PRKCB: variants seen among roughly 807,000 people sequenced by gnomAD.
PRKCB encodes protein kinase C beta type.
In PRKCB, 13 loss-of-function variants were observed where a neutral mutation model predicts 81.5. The observed-to-expected ratio is 0.16, with a 90% confidence interval of 0.10 to 0.25. The LOEUF (loss-of-function observed/expected upper bound fraction) is 0.25. Among genes scored for constraint, PRKCB ranks in the 10% least tolerant of loss-of-function variants. The pLI, the probability that PRKCB is intolerant of heterozygous loss-of-function variation, is 1.00. For synonymous variants in PRKCB, 335 were observed against 321.4 expected, an observed-to-expected ratio of 1.04 and a Z score of -0.45; for missense variants, 509 against 875.7, an observed-to-expected ratio of 0.58 and a Z score of 5.29.
intron 2 of PRKCB, among the ~76,000 whole-genome samples, chr16:23,942,756 A>G (rs1335827126): frequency 6.6e-6 from 1 of 152,156 alleles, no homozygotes; most frequent in Admixed American, 6.5e-5. Flanking sequence ...ATGCTTGACT[A>G]GCTCCCTTGA....
chr16:24,088,551 A>G (rs1276790005), intron 5 of PRKCB, among the ~76,000 whole-genome samples: 1 of 151,772 alleles, frequency 6.6e-6, no homozygotes, highest in Non-Finnish European at 1.5e-5. Flanking sequence ...ACATAGTGAG[A>G]CTCCATCTCT....
chr16:24,044,493 T>C (rs1965741872), intron 5 of PRKCB, among the ~76,000 whole-genome samples: 1 of 152,254 alleles, frequency 6.6e-6, no homozygotes, highest in African/African-American at 2.4e-5. Context: ...CACTTTTCTA[T>C]AGGTATATTA....
At chr16:23,978,288 C>T (rs547401945) in intron 2 of PRKCB, among the ~76,000 whole-genome samples, 4 of 152,342 alleles carry the variant, frequency 2.6e-5, no homozygotes, top group Non-Finnish European at 4.4e-5. Context: ...CGCAGTCCCC[C>T]CATATCCCTT....
intron 5 of PRKCB, among the ~76,000 whole-genome samples, chr16:24,076,205 T>A (rs900566408): frequency 2.6e-5 from 4 of 152,274 alleles, no homozygotes; most frequent in Admixed American, 2.6e-4. Flanking sequence ...GGGGAGTTGT[T>A]TGGAGCATGT....
At chr16:23,874,579 T>TTTG (rs1469613528) in intron 2 of PRKCB, among the ~76,000 whole-genome samples, 6 of 151,818 alleles carry the variant, frequency 4.0e-5, no homozygotes, top group East Asian at 1.9e-4. Context: ...TTTTTTTTTT[T>TTTG]TTTTGTTTTG....
At chr16:24,213,738 G>A (rs957058885) in intron 16 of PRKCB, among the ~76,000 whole-genome samples, 10 of 152,206 alleles carry the variant, frequency 6.6e-5, no homozygotes, top group African/African-American at 2.4e-4. Context: ...TTAGCGGTTT[G>A]CCCCTTCTCA....
intron 2 of PRKCB, among the ~76,000 whole-genome samples, chr16:23,929,470 G>A (rs941758454): frequency 6.6e-6 from 1 of 152,076 alleles, no homozygotes; most frequent in Non-Finnish European, 1.5e-5. Context: ...CTGTCAAATA[G>A]GAGTGAAATA....
chr16:24,200,120 T>C (rs1967936351), intron 16 of PRKCB, among the ~76,000 whole-genome samples: 1 of 152,236 alleles, frequency 6.6e-6, no homozygotes, highest in Admixed American at 6.5e-5. Context: ...GCTTTGATTT[T>C]GAGGCTGACA....
intron 2 of PRKCB, among the ~76,000 whole-genome samples, chr16:23,857,937 C>T (rs1962599366): frequency 6.6e-6 from 1 of 152,174 alleles, no homozygotes; most frequent in Non-Finnish European, 1.5e-5. Flanking sequence ...CTCACAACAG[C>T]CCTGTGTGGC....
intron 7 of PRKCB, among the ~76,000 whole-genome samples, chr16:24,095,971 A>T (rs765589108): frequency 5.3e-5 from 8 of 152,102 alleles, no homozygotes; most frequent in Non-Finnish European, 8.8e-5. Flanking sequence ...TTATGAAGGT[A>T]GTTTAGTTTT....
At chr16:23,963,660 G>A (rs1964453013) in intron 2 of PRKCB, 1 of 152,202 alleles carries the variant, frequency 6.6e-6, no homozygotes, top group Non-Finnish European at 1.5e-5. Flanking sequence ...CCGAGGTGAT[G>A]TGTCACCAGC....
At chr16:23,947,196 G>A (rs1964214262) in intron 2 of PRKCB, among the ~76,000 whole-genome samples, 1 of 152,212 alleles carries the variant, frequency 6.6e-6, no homozygotes, top group African/African-American at 2.4e-5. Flanking sequence ...AAGGGATCCT[G>A]ACATAGCATT....
chr16:23,886,569 C>T (rs1272937992), intron 2 of PRKCB, among the ~76,000 whole-genome samples: 2 of 151,840 alleles, frequency 1.3e-5, no homozygotes, highest in South Asian at 2.1e-4. Context: ...CGCACCACCA[C>T]GCCTGACTAA....
chr16:24,204,077 G>A (rs560902462), intron 16 of PRKCB, among the ~76,000 whole-genome samples: 5 of 152,146 alleles, frequency 3.3e-5, no homozygotes, highest in African/African-American at 1.2e-4. Flanking sequence ...CCAGAGCACA[G>A]CCCTGTCAGA....
chr16:23,975,199 A>G (rs1242293387), intron 2 of PRKCB, among the ~76,000 whole-genome samples: 4 of 152,148 alleles, frequency 2.6e-5, no homozygotes, highest in Non-Finnish European at 4.4e-5. Flanking sequence ...AATTGTTGCT[A>G]GTGTTTTTCC....
chr16:24,024,017 G>A (rs1413317076), intron 3 of PRKCB, among the ~76,000 whole-genome samples: 1 of 152,222 alleles, frequency 6.6e-6, no homozygotes, highest in Non-Finnish European at 1.5e-5. Context: ...AGGACACAGG[G>A]AGGCAGATGG....
chr16:24,112,912 A>T, intron 7 of PRKCB, 61 bp from the exon 8 acceptor site: 1 of 1,183,774 alleles, frequency 8.4e-7, no homozygotes, highest in Non-Finnish European at 1.2e-6. Context: ...TCATATGCTG[A>T]TCAATAAAAT....
At position 24,219,949 on chromosome 16, in the gene PRKCB, T is replaced by G; in HGVS notation, c.*5133T>G. On this transcript the variant is annotated 3_prime_UTR_variant, in exon 17 of 17. Coordinates refer to ENST00000643927, the MANE Select transcript of PRKCB (RefSeq NM_002738.7). ...TTACGCTGTGTTAATGTGTTTACTTTCCATTTGGCAGAGAGACAAGAGAGA... is the reference window on the plus strand; with the variant it reads ...TTACGCTGTGTTAATGTGTTTACTTGCCATTTGGCAGAGAGACAAGAGAGA... The G allele has an allele frequency of 6.2e-7, 1 of 1,613,840 alleles. No homozygotes were observed. Among genetic ancestry groups the G allele is most frequent in the Non-Finnish European group, 8.5e-7 (1 of 1,179,894 alleles).
chr16:24,151,351 ACTGG>A (rs1247003575), intron 9 of PRKCB, among the ~76,000 whole-genome samples: 2 of 152,262 alleles, frequency 1.3e-5, no homozygotes, highest in Non-Finnish European at 2.9e-5. Flanking sequence ...GACTTGTGAT[ACTGG>A]CTTGCCATTA....
Sources: gnomAD v4.1 joint callset for allele counts (sites outside exome capture counted in the v4.1 genomes callset) on GRCh38, gnomAD v4.1.1 for gene constraint, MANE v1.5 for transcripts, NCBI Gene and HGNC (gene_info 2026-07-23, HGNC 2026-07-21) for gene names.